The following BRMS1L variants were observed in gnomAD, a reference collection of about 807,000 sequenced individuals.
BRMS1L encodes the protein BRMS1 like transcriptional repressor.
BRMS1L carries 23 observed loss-of-function variants against 50.3 expected under a neutral mutation model. That is an observed-to-expected ratio of 0.46 (90% CI 0.33 to 0.65). BRMS1L has a LOEUF of 0.65. BRMS1L is among the 30% of genes least tolerant of loss of function. The pLI, the probability that BRMS1L is intolerant of heterozygous loss-of-function variation, is 0.02. For missense variants in BRMS1L, 286 were observed against 386.1 expected, an observed-to-expected ratio of 0.74 and a Z score of 2.17; for synonymous variants, 114 against 126.9, an observed-to-expected ratio of 0.90 and a Z score of 0.69.
At position 35,831,444 on chromosome 14, in the gene BRMS1L, G is replaced by A. The variant is rs1372368639; in HGVS notation, c.177G>A (p.Met59Ile). The part of the protein sequence containing the change: ...MDDEDCERRR[M>I]ECLDEMSNLE... ...ATGAAGACTGTGAAAGAAGAAGAATGGAATGTTTGGATGAAATGTCCAATC... is the reference window on the plus strand; with the variant it reads ...ATGAAGACTGTGAAAGAAGAAGAATAGAATGTTTGGATGAAATGTCCAATC... The change falls in exon 2 of 10, where the codon ATG (methionine) becomes ATA (isoleucine). Residue 59 changes from methionine to isoleucine, a missense_variant. By Grantham distance (10) the Met-to-Ile change is conservative. Around this residue, in one of 5 missense-constraint regions of BRMS1L, gnomAD observed 4 missense variants for 19.4 expected, o/e 0.21. Coordinates refer to ENST00000216807, the MANE Select transcript of BRMS1L (RefSeq NM_032352.4). 6.2e-7 allele frequency: 1 copy of A among 1,613,728 alleles called. No individual in the cohort carries two copies. The highest frequency in any genetic ancestry group is 1.1e-5 in the South Asian group (1 of 91,058).
intron 4 of BRMS1L, among the ~76,000 whole-genome samples, chr14:35,842,823 G>A (rs547717956): frequency 1.2e-4 from 18 of 152,286 alleles, no homozygotes; most frequent in Admixed American, 4.6e-4. Context: ...CCAGTCAAAC[G>A]TAGGTTTGGT....
chr14:35,841,041 G>C (rs538535946), intron 4 of BRMS1L, among the ~76,000 whole-genome samples: 2 of 152,068 alleles, frequency 1.3e-5, no homozygotes, highest in Non-Finnish European at 2.9e-5. Context: ...AGAGATTCTG[G>C]TATGTTGTGT....
chr14:35,867,733 G>T, intron 8 of BRMS1L, 173 bp from the exon 9 acceptor site: 1 of 460,384 alleles, frequency 2.2e-6, no homozygotes. Context: ...TAGTGATTAT[G>T]TAAAAGAATG....
At chr14:35,840,910 T>C (rs959498486) in intron 4 of BRMS1L, among the ~76,000 whole-genome samples, 1 of 152,186 alleles carries the variant, frequency 6.6e-6, no homozygotes, top group African/African-American at 2.4e-5. Context: ...ATTTGTTTGC[T>C]CTTGCTTCTC....
intron 7 of BRMS1L, 143 bp downstream of exon 7, chr14:35,865,142 T>A (rs920627533): frequency 3.3e-5 from 18 of 548,410 alleles, no homozygotes; most frequent in Non-Finnish European, 4.1e-5. Flanking sequence ...TTAATACTAT[T>A]ACAGATAGCA....
chr14:35,845,901 C>G (rs77345051), intron 4 of BRMS1L, among the ~76,000 whole-genome samples: 4,618 of 152,228 alleles, frequency 0.03, 189 homozygotes, highest in African/African-American at 0.088. Context: ...GACTATGCCA[C>G]TGCACCTGGC....
chr14:35,867,907 A>G lies in BRMS1L; in HGVS notation c.729A>G (p.Pro243=). 1 of 1,593,546 alleles carries G rather than the reference A, an allele frequency of 6.3e-7. No homozygotes were observed. The highest frequency in any genetic ancestry group is 2.3e-5 in the East Asian group (1 of 44,118). ...TLGPHRVKTE[P]PVKLEKHLHS... ...CAGTTTTTGAACTGATCCCTTTAGC[A>G]CCTGTGAAACTGGAAAAACATCTGC... Residue 243 remains proline, a splice_region_variant and synonymous_variant, in exon 9 of 10, where the codon CCA becomes CCG. Transcript: ENST00000216807.
chr14:35,867,599 A>G (rs148329269), intron 8 of BRMS1L, among the ~76,000 whole-genome samples: 34 of 152,358 alleles, frequency 2.2e-4, no homozygotes, highest in African/African-American at 7.7e-4. Context: ...TTGATATTTT[A>G]AATACTACTT....
At chr14:35,828,247 A>C (rs2077870545) in intron 1 of BRMS1L, among the ~76,000 whole-genome samples, 1 of 151,714 alleles carries the variant, frequency 6.6e-6, no homozygotes, top group Non-Finnish European at 1.5e-5. Context: ...ATCTTGGCTC[A>C]CTGCAACCTC....
At chr14:35,864,840 C>T in intron 6 of BRMS1L, 95 bp from the exon 7 acceptor site, 1 of 895,566 alleles carries the variant, frequency 1.1e-6, no homozygotes, top group Non-Finnish European at 1.8e-6. Flanking sequence ...GCATTATGCT[C>T]ATAAATCATC....
At chr14:35,855,370 G>A (rs531566019) in intron 4 of BRMS1L, among the ~76,000 whole-genome samples, 161 of 152,238 alleles carry the variant, frequency 1.1e-3, no homozygotes, top group African/African-American at 3.5e-3. Flanking sequence ...AGGATTACAG[G>A]TGTGAGCCAT....
rs201253925 is a variant in BRMS1L at position 35,835,426 on chromosome 14, G to T, written c.441+503G>T. Among the ~76,000 whole-genome samples the T allele has an allele frequency of 7.9e-5, 12 of 152,184 alleles. 1 individual carries two copies. The highest frequency in any genetic ancestry group is 7.7e-4 in the East Asian group (4 of 5,180). On this transcript the variant is annotated intron_variant, in intron 4 of 9. Coordinates refer to ENST00000216807, the MANE Select transcript of BRMS1L (RefSeq NM_032352.4). The stretch of plus-strand genomic sequence containing the variant: ...TTATGCTGAAGGTTGCAATTTTTTT[G>T]TGTGTGTGAAAAATCAGATCTTGGT...
chr14:35,864,777 C>A (rs181465091), intron 6 of BRMS1L, among the ~76,000 whole-genome samples, 158 bp from the exon 7 acceptor site: 1 of 152,228 alleles, frequency 6.6e-6, no homozygotes, highest in East Asian at 1.9e-4. Flanking sequence ...TGTATTTATG[C>A]TGGTACTAAG....
intron 4 of BRMS1L, among the ~76,000 whole-genome samples, chr14:35,839,865 T>C (rs1196506423): frequency 6.6e-6 from 1 of 152,216 alleles, no homozygotes; most frequent in Non-Finnish European, 1.5e-5. Flanking sequence ...CTTTATTTCT[T>C]TCTCTTGCCG....
At chr14:35,834,946 T>C in intron 4 of BRMS1L, 23 bp downstream of exon 4, 2 of 1,567,138 alleles carry the variant, frequency 1.3e-6, no homozygotes, top group South Asian at 1.2e-5. Flanking sequence ...TGCATAACTT[T>C]TAAGCTAATT....
rs2142068189 is a variant in BRMS1L at position 35,870,632 on chromosome 14, G to C, written c.*155G>C. Reference sequence around the variant, plus strand: ...TACTCTAAATAGATCTCATTGATATGTTATTAAAAGAAACAGTAATAAAAA... The same window carrying C: ...TACTCTAAATAGATCTCATTGATATCTTATTAAAAGAAACAGTAATAAAAA... On this transcript the variant is annotated 3_prime_UTR_variant, in exon 10 of 10. Transcript: ENST00000216807. 4.7e-6 allele frequency: 2 copies of C among 422,110 alleles called. No individual in the cohort carries two copies. Among genetic ancestry groups the C allele is most frequent in the African/African-American group, 2.1e-5 (1 of 48,230 alleles). The allele number at this position is 422,110 out of a possible 1,614,324, so 26.1% of individuals were successfully genotyped here. A position where few individuals can be genotyped will look rare whatever the true frequency, so the allele number is the denominator to read the frequency against.
chr14:35,849,817 GTCTT>G (rs1241932004), intron 4 of BRMS1L, among the ~76,000 whole-genome samples: 1 of 151,532 alleles, frequency 6.6e-6, no homozygotes, highest in Non-Finnish European at 1.5e-5. Flanking sequence ...TTTTCTTTCT[GTCTT>G]TCTTTTTTTT....
chr14:35,870,603 G>T lies in BRMS1L; in HGVS notation c.*126G>T. ...ATCATGAGAGAATGTGTATTTGTAG[G>T]TAGTACTCTAAATAGATCTCATTGA... On this transcript the variant is annotated 3_prime_UTR_variant, in exon 10 of 10. Transcript: ENST00000216807. 1 of 605,330 alleles carries T rather than the reference G, an allele frequency of 1.7e-6. No homozygotes were observed. The highest frequency in any genetic ancestry group is 3.0e-6 in the Non-Finnish European group (1 of 335,364). The allele number at this position is 605,330 out of a possible 1,614,324, so 37.5% of individuals were successfully genotyped here. A position where few individuals can be genotyped will look rare whatever the true frequency, so the allele number is the denominator to read the frequency against.
chr14:35,859,311 T>C (rs977780238), intron 4 of BRMS1L, among the ~76,000 whole-genome samples: 4 of 152,200 alleles, frequency 2.6e-5, no homozygotes, highest in African/African-American at 9.7e-5. Context: ...CAAAGGATTA[T>C]TGGACATGTT....
Sources: allele counts gnomAD v4.1 joint callset (sites outside exome capture counted in the v4.1 genomes callset), GRCh38; gene constraint gnomAD v4.1.1; regional missense constraint gnomAD v4.1.1; transcripts MANE v1.5; gene names NCBI Gene and HGNC (gene_info 2026-07-23, HGNC 2026-07-21).